RIGI: variants seen among roughly 807,000 people sequenced by gnomAD.
RIGI encodes the protein RNA sensor RIG-I.
At chr9:32,466,388 C>T in the RIGI span, 3 of 1,613,618 alleles carry the variant, frequency 1.9e-6, no homozygotes, top group Non-Finnish European at 2.5e-6. Context: ...TTTTCAATTA[C>T]ACCAGCATTA....
chr9:32,526,042 C>T, the RIGI span: 1 of 1,585,948 alleles, frequency 6.3e-7, no homozygotes, highest in South Asian at 1.1e-5. Context: ...GCCGAGAAGG[C>T]GCCGCTGGAG....
the RIGI span, chr9:32,493,953 AG>A: frequency 6.4e-7 from 1 of 1,563,494 alleles, no homozygotes; most frequent in Non-Finnish European, 8.6e-7. Context: ...CTGAAAAAAA[AG>A]AAAAAAAATG....
the RIGI span, among the ~76,000 whole-genome samples, chr9:32,486,453 C>CA: frequency 0.18 from 10,787 of 60,280 alleles, 777 homozygotes; most frequent in Middle Eastern, 0.35. Context: ...GACTCTGTCT[C>CA]AAAAAAAAAA....
chr9:32,457,480 A>T, the RIGI span: 17 of 1,178,356 alleles, frequency 1.4e-5, no homozygotes, highest in Non-Finnish European at 1.8e-5. Context: ...CATAATTGTG[A>T]TTTAAAAAAA....
chr9:32,475,289 T>C, the RIGI span, among the ~76,000 whole-genome samples: 5 of 152,066 alleles, frequency 3.3e-5, no homozygotes, highest in Admixed American at 2.6e-4. Flanking sequence ...TCCCAGCAGA[T>C]TTTTTCATAG....
chr9:32,466,259 G>T, the RIGI span: 2 of 1,609,152 alleles, frequency 1.2e-6, no homozygotes, highest in South Asian at 2.2e-5. Flanking sequence ...GTTATTTATG[G>T]TCAGATGCTG....
chr9:32,523,305 C>T, the RIGI span, among the ~76,000 whole-genome samples: 2 of 152,202 alleles, frequency 1.3e-5, no homozygotes, highest in African/African-American at 4.8e-5. Context: ...AGGATCTCCA[C>T]ATTAATGTCT....
chr9:32,466,403 T>C, the RIGI span: 1 of 1,613,628 alleles, frequency 6.2e-7, no homozygotes, highest in East Asian at 2.2e-5. Flanking sequence ...GCATTACTAG[T>C]CAGAAGGAAG....
At chr9:32,499,324 T>TG in the RIGI span, among the ~76,000 whole-genome samples, 3 of 148,164 alleles carry the variant, frequency 2.0e-5, no homozygotes, top group East Asian at 3.9e-4. Flanking sequence ...TTGTTTTTTT[T>TG]TTTTTTTTTT....
the RIGI span, chr9:32,473,030 G>A: frequency 6.2e-7 from 1 of 1,611,144 alleles, no homozygotes; most frequent in East Asian, 2.2e-5. Flanking sequence ...TTAGAAAACT[G>A]AGTTTAGGAT....
chr9:32,474,485 C>T, the RIGI span, among the ~76,000 whole-genome samples: 2 of 152,180 alleles, frequency 1.3e-5, no homozygotes, highest in Non-Finnish European at 2.9e-5. Context: ...AATGTGGCAT[C>T]ATTTCCAAGA....
the RIGI span, chr9:32,485,082 TTGTC>T: frequency 3.8e-5 from 33 of 879,072 alleles, no homozygotes; most frequent in Non-Finnish European, 5.6e-5. Context: ...GGTCTTGACA[TTGTC>T]TGAACTAAGG....
the RIGI span, among the ~76,000 whole-genome samples, chr9:32,486,046 C>A: frequency 1.7e-4 from 26 of 152,278 alleles, no homozygotes; most frequent in Non-Finnish European, 2.6e-4. Context: ...ATGTGCCATG[C>A]TTTGATTATA....
chr9:32,472,912 T>C, the RIGI span: 9 of 1,057,140 alleles, frequency 8.5e-6, no homozygotes, highest in South Asian at 1.7e-5. Flanking sequence ...CACATATACA[T>C]ACACACACAC....
the RIGI span, among the ~76,000 whole-genome samples, chr9:32,496,658 TAC>T: frequency 6.6e-6 from 1 of 152,218 alleles, no homozygotes; most frequent in African/African-American, 2.4e-5. Context: ...AAAATATATA[TAC>T]ACATACATGT....
the RIGI span, among the ~76,000 whole-genome samples, chr9:32,479,935 G>A: frequency 1.3e-5 from 2 of 151,366 alleles, no homozygotes; most frequent in Admixed American, 6.6e-5. Flanking sequence ...AAAAAAGAAC[G>A]TTAAACAAAA....
chr9:32,477,277 A>G, the RIGI span: 5 of 853,148 alleles, frequency 5.9e-6, no homozygotes, highest in African/African-American at 8.5e-5. Context: ...AATTGGTACA[A>G]CCTTTTAAGA....
chr9:32,523,229 C>T, the RIGI span, among the ~76,000 whole-genome samples: 1 of 152,284 alleles, frequency 6.6e-6, no homozygotes, highest in Middle Eastern at 3.4e-3. Context: ...GTGCAGCCAG[C>T]AAAAGAACCT....
the RIGI span, among the ~76,000 whole-genome samples, chr9:32,512,241 C>T: frequency 6.6e-6 from 1 of 152,146 alleles, no homozygotes; most frequent in Non-Finnish European, 1.5e-5. Context: ...ACCCTGATAC[C>T]AAAACCTGGC....
Sources: gnomAD v4.1 joint callset for allele counts (sites outside exome capture counted in the v4.1 genomes callset) on GRCh38, gnomAD v4.1.1 for gene constraint, MANE v1.5 for transcripts, NCBI Gene and HGNC (gene_info 2026-07-23, HGNC 2026-07-21) for gene names.